CPS1: variants seen among roughly 807,000 people sequenced by gnomAD.
CPS1 encodes carbamoyl-phosphate synthase 1.
In CPS1, 109 loss-of-function variants were observed where a neutral mutation model predicts 174.6. The observed-to-expected ratio is 0.62, with a 90% CI of 0.53 to 0.73. The LOEUF (loss-of-function observed/expected upper bound fraction) is 0.73. Ranked by LOEUF, CPS1 falls within the 30% of genes least tolerant of loss-of-function variation. The pLI is 0.00. For synonymous variants in CPS1, 637 were observed against 632.0 expected (o/e 1.01, Z -0.12); for missense variants, 1,689 against 1,821.9 (o/e 0.93, Z 1.33).
intron 2 of CPS1, 93 bp downstream of exon 2, chr2:210,573,500 G>A (rs1445140338): frequency 1.0e-5 from 10 of 965,354 alleles, no homozygotes; most frequent in African/African-American, 4.8e-5. Flanking sequence ...TCACTGCATC[G>A]TAGTAAGACT....
At chr2:210,573,181 T>C (rs1697573254) in intron 1 of CPS1, 117 bp from the exon 2 acceptor site, 1 of 890,986 alleles carries the variant, frequency 1.1e-6, no homozygotes, top group Admixed American at 1.8e-5. Flanking sequence ...CTGGGCATTA[T>C]GGTTTCATTA....
intron 35 of CPS1, 132 bp from the exon 36 acceptor site, chr2:210,675,596 A>T: frequency 1.4e-6 from 1 of 709,024 alleles, no homozygotes; most frequent in Non-Finnish European, 2.6e-6. Flanking sequence ...CTGTGAGTCC[A>T]AGTCTCTATC....
intron 1 of CPS1, among the ~76,000 whole-genome samples, chr2:210,524,829 G>C (rs954956099): frequency 1.3e-5 from 2 of 151,906 alleles, no homozygotes; most frequent in East Asian, 3.9e-4. Context: ...TTTATTTTTT[G>C]GCTGTTCTTT....
chr2:210,656,629 A>C lies in CPS1; in HGVS notation c.3663A>C (p.Glu1221Asp). The C allele has an allele frequency of 6.2e-7, 1 of 1,610,440 alleles. No homozygotes were observed. Among genetic ancestry groups the C allele is most frequent in the Non-Finnish European group, 8.5e-7 (1 of 1,176,974 alleles). The change falls in exon 30 of 38, where the codon GAA (glutamate) becomes GAC (aspartate). Residue 1221 changes from glutamate (E) to aspartate (D), a missense_variant. By Grantham distance (45) the Glu-to-Asp change is conservative. Transcript: ENST00000233072. ...AAACCATCAGCCAAGGGGCCATTGA[A>C]AAGGTCATCATTTATAAATAAAAGT... Reference protein sequence around the residue: ...PTQTISQGAIEKVKDATRKIA... With the variant: ...PTQTISQGAIDKVKDATRKIA...
intron 6 of CPS1, among the ~76,000 whole-genome samples, chr2:210,587,430 C>T (rs1401959662): frequency 6.6e-6 from 1 of 152,016 alleles, no homozygotes; most frequent in Non-Finnish European, 1.5e-5. Flanking sequence ...GCCTCCCAGC[C>T]GTGCTTCAGA....
At chr2:210,669,674 C>A (rs1354755616) in intron 34 of CPS1, among the ~76,000 whole-genome samples, 1 of 152,094 alleles carries the variant, frequency 6.6e-6, no homozygotes, top group Admixed American at 6.5e-5. Context: ...AGATGACTTG[C>A]AATTGTGAAG....
chr2:210,501,344 T>A (rs1005636695), intron 1 of CPS1, among the ~76,000 whole-genome samples: 2 of 152,218 alleles, frequency 1.3e-5, no homozygotes, highest in African/African-American at 4.8e-5. Flanking sequence ...CCTCAGGAAA[T>A]GGGTTTTTCT....
chr2:210,605,342 A>G (rs1574581868), intron 17 of CPS1, 96 bp downstream of exon 17: 2 of 1,341,050 alleles, frequency 1.5e-6, no homozygotes, highest in Non-Finnish European at 2.1e-6. Flanking sequence ...TTAAATTACT[A>G]TTTCTAGTTG....
At chr2:210,606,998 A>G in intron 18 of CPS1, 57 bp downstream of exon 18, 1 of 1,500,676 alleles carries the variant, frequency 6.7e-7, no homozygotes, top group Admixed American at 1.7e-5. Flanking sequence ...AGAAATGAAA[A>G]ATTGACAGAT....
chr2:210,558,126 G>A (rs1410616625), intron 1 of CPS1, among the ~76,000 whole-genome samples: 1 of 151,994 alleles, frequency 6.6e-6, no homozygotes, highest in Non-Finnish European at 1.5e-5. Context: ...AACAACTTCA[G>A]CCTTTAACAT....
At chr2:210,609,278 G>C (rs1424800835) in intron 19 of CPS1, among the ~76,000 whole-genome samples, 1 of 151,940 alleles carries the variant, frequency 6.6e-6, no homozygotes, top group Non-Finnish European at 1.5e-5. Flanking sequence ...TCTCTGCTGA[G>C]ATTCACTCCC....
At chr2:210,555,083 G>A (rs952225908), upstream of CPS1, among the ~76,000 whole-genome samples, 3 of 151,910 alleles carry the variant, frequency 2.0e-5, no homozygotes, top group African/African-American at 7.3e-5. Context: ...ATGGATGAAG[G>A]CTGAACATTT....
intron 34 of CPS1, among the ~76,000 whole-genome samples, chr2:210,669,304 A>G (rs1011303542): frequency 1.4e-4 from 21 of 152,276 alleles, no homozygotes; most frequent in Middle Eastern, 6.8e-3. Flanking sequence ...ATTTCCTGAA[A>G]AAATACTAGA....
intron 1 of CPS1, among the ~76,000 whole-genome samples, chr2:210,516,493 C>T (rs1264390318): frequency 6.6e-6 from 1 of 151,842 alleles, no homozygotes; most frequent in Non-Finnish European, 1.5e-5. Flanking sequence ...CTTTCTGTCT[C>T]CTCTGACCAC....
At chr2:210,601,843 C>G (rs1698736962) in intron 15 of CPS1, among the ~76,000 whole-genome samples, 1 of 151,884 alleles carries the variant, frequency 6.6e-6, no homozygotes, top group African/African-American at 2.4e-5. Context: ...AAGACAGAGA[C>G]TTTTAAGCTG....
intron 1 of CPS1, among the ~76,000 whole-genome samples, chr2:210,494,169 G>A (rs1304628040): frequency 6.6e-6 from 1 of 152,128 alleles, no homozygotes; most frequent in Non-Finnish European, 1.5e-5. Flanking sequence ...TGTAAGCTGT[G>A]ACAATGTTAA....
intron 1 of CPS1, among the ~76,000 whole-genome samples, chr2:210,500,198 G>T (rs1340938129): frequency 6.6e-6 from 1 of 152,004 alleles, no homozygotes; most frequent in Non-Finnish European, 1.5e-5. Context: ...TTGACACCTG[G>T]GGATTATCAT....
At chr2:210,574,423 A>G (rs1024075427) in intron 2 of CPS1, among the ~76,000 whole-genome samples, 2 of 152,050 alleles carry the variant, frequency 1.3e-5, no homozygotes, top group Non-Finnish European at 2.9e-5. Flanking sequence ...TATATTATTA[A>G]TTTATATTCT....
intron 25 of CPS1, among the ~76,000 whole-genome samples, chr2:210,646,469 T>C (rs578042042): frequency 2.6e-5 from 4 of 152,270 alleles, no homozygotes; most frequent in African/African-American, 9.6e-5. Flanking sequence ...ATTGCTCTCA[T>C]CAGACAGAAA....
Sources: gnomAD v4.1 joint callset for allele counts (sites outside exome capture counted in the v4.1 genomes callset) on GRCh38, gnomAD v4.1.1 for gene constraint, MANE v1.5 for transcripts, NCBI Gene and HGNC (gene_info 2026-07-23, HGNC 2026-07-21) for gene names.